Variants in USP15 observed in about 807,000 individuals in gnomAD.
The protein encoded by USP15 is ubiquitin specific peptidase 15, also known as ubiquitin carboxyl-terminal hydrolase 15.
In USP15, 18 loss-of-function variants were observed where a neutral mutation model predicts 127.1. The observed-to-expected ratio is 0.14, with a 90% CI of 0.10 to 0.21. The LOEUF is 0.21. USP15 is among the 10% of genes least tolerant of loss of function. The pLI is 1.00. For synonymous variants in USP15, 364 were observed against 393.7 expected (o/e 0.92, Z 0.89); for missense variants, 805 against 1,159.9 (o/e 0.69, Z 4.44).
At chr12:62,265,890 A>T (rs766103403) in intron 1 of USP15, among the ~76,000 whole-genome samples, 33 of 152,168 alleles carry the variant, frequency 2.2e-4, no homozygotes, top group Non-Finnish European at 4.9e-4. Context: ...TTTAAAAAGT[A>T]GATTCACTTT....
intron 8 of USP15, chr12:62,374,259 T>C (rs1425993206): frequency 6.3e-6 from 2 of 317,334 alleles, no homozygotes. Context: ...TTAGTACTGG[T>C]CAGTTAGAAG....
chr12:62,301,938 A>T lies in USP15; in HGVS notation c.218-852A>T, dbSNP rs190988042. 2.6e-5 allele frequency among the ~76,000 whole-genome samples: 4 copies of T among 152,348 alleles called. No individual in the cohort carries two copies. In the East Asian group the frequency reaches 7.7e-4, roughly 29 times the overall value. On this transcript the variant is annotated intron_variant, in intron 2 of 21. Transcript: ENST00000280377. ...CTCTTTCTGCATTTTAAAAATTCAC[A>T]TGGACAGATAACAAGTCTCAGATTA...
At chr12:62,274,425 A>AAC (rs2063425302) in intron 1 of USP15, 1 of 151,784 alleles carries the variant, frequency 6.6e-6, no homozygotes, top group African/African-American at 2.4e-5. Flanking sequence ...ACAACAAAAA[A>AAC]AAAAAACGGT....
Position 62,389,873 on chromosome 12 carries a change from C to G in USP15, c.1729C>G (p.His577Asp). The change falls in exon 14 of 22, where the codon CAC (histidine) becomes GAC (aspartate). Residue 577 changes from histidine to aspartate, a missense_variant. Transcript: ENST00000280377. The stretch of plus-strand genomic sequence containing the variant: ...TGTTTGCCTAAGAGAAAAATTCAGA[C>G]ACTCGAGTTATACCCACCATACTGG... Reference protein sequence around the residue: ...IPVCLREKFRHSSYTHHTGSS... With the variant: ...IPVCLREKFRDSSYTHHTGSS... 6.2e-7 allele frequency: 1 copy of G among 1,613,872 alleles called. No homozygotes were observed. The highest frequency in any genetic ancestry group is 8.5e-7 in the Non-Finnish European group (1 of 1,179,890).
At chr12:62,381,340 T>C in intron 8 of USP15, 150 bp from the exon 9 acceptor site, 1 of 562,110 alleles carries the variant, frequency 1.8e-6, no homozygotes, top group Non-Finnish European at 2.9e-6. Context: ...CATTTGAGTG[T>C]TTATTTGACC....
chr12:62,341,187 G>A (rs1053515368), intron 6 of USP15, among the ~76,000 whole-genome samples: 2 of 147,592 alleles, frequency 1.4e-5, no homozygotes, highest in Admixed American at 6.7e-5. Context: ...TCAGAGACTA[G>A]TATTTCAACC....
intron 2 of USP15, among the ~76,000 whole-genome samples, chr12:62,296,109 A>G (rs2064120078): frequency 6.6e-6 from 1 of 152,178 alleles, no homozygotes; most frequent in Non-Finnish European, 1.5e-5. Context: ...AGCCTCTAGG[A>G]ACAGAGAGTG....
chr12:62,364,144 C>T (rs956280852), intron 8 of USP15, among the ~76,000 whole-genome samples: 2 of 152,022 alleles, frequency 1.3e-5, no homozygotes, highest in Non-Finnish European at 1.5e-5. Flanking sequence ...ATGAAAAAGA[C>T]GTCCGAGAAC....
intron 6 of USP15, among the ~76,000 whole-genome samples, chr12:62,347,776 C>G (rs2065862985): frequency 6.6e-6 from 1 of 152,060 alleles, no homozygotes; most frequent in East Asian, 1.9e-4. Context: ...AAAGGGACTT[C>G]TATCAGAAGG....
At chr12:62,300,326 A>G (rs894852122) in intron 2 of USP15, among the ~76,000 whole-genome samples, 1 of 152,082 alleles carries the variant, frequency 6.6e-6, no homozygotes. Flanking sequence ...AGTTTTGTAT[A>G]TGGTGTGCAG....
In USP15 at chr12:62,410,770, G is replaced by A. The variant is rs2068018966; in HGVS notation, c.*6395G>A. ...GGAAGGCTTAAATTTCATTTTTGAA[G>A]CTGTCGTTAAAAGTATATATTTTTA... On this transcript the variant is annotated 3_prime_UTR_variant, in exon 22 of 22. Coordinates refer to ENST00000280377, the MANE Select transcript of USP15 (RefSeq NM_001252078.2). 1 of 152,020 alleles carries A rather than the reference G, an allele frequency of 6.6e-6. No homozygotes were observed. The highest frequency in any genetic ancestry group is 2.4e-5 in the African/African-American group (1 of 41,382). 9.4% of individuals were successfully genotyped at this position (152,020 alleles called of 1,614,324 possible). A position where few individuals can be genotyped will look rare whatever the true frequency, so the allele number is the denominator to read the frequency against.
intron 6 of USP15, among the ~76,000 whole-genome samples, chr12:62,338,683 C>T (rs1317230070): frequency 6.6e-6 from 1 of 152,142 alleles, no homozygotes; most frequent in Non-Finnish European, 1.5e-5. Flanking sequence ...CTGTTTTCTG[C>T]ATATGGCTAG....
intron 1 of USP15, among the ~76,000 whole-genome samples, chr12:62,262,866 A>T (rs1320977253): frequency 6.6e-6 from 1 of 152,210 alleles, no homozygotes; most frequent in Non-Finnish European, 1.5e-5. Flanking sequence ...TGAGGGCCAC[A>T]TATTTAGATA....
intron 7 of USP15, among the ~76,000 whole-genome samples, chr12:62,352,513 G>A (rs1390754821): frequency 6.6e-6 from 1 of 151,854 alleles, no homozygotes; most frequent in Non-Finnish European, 1.5e-5. Flanking sequence ...TTTTTAACGT[G>A]TTTATTGTCT....
At chr12:62,284,562 A>G (rs1592495184) in intron 1 of USP15, among the ~76,000 whole-genome samples, 1 of 152,132 alleles carries the variant, frequency 6.6e-6, no homozygotes, top group Non-Finnish European at 1.5e-5. Context: ...TTTTGTTCTT[A>G]TAGTGCTATA....
intron 8 of USP15, among the ~76,000 whole-genome samples, chr12:62,374,054 A>G (rs2066753585): frequency 6.6e-6 from 1 of 151,998 alleles, no homozygotes; most frequent in African/African-American, 2.4e-5. Context: ...TGCTTATACT[A>G]TTGTCATGAT....
chr12:62,356,101 A>G (rs2066120738), intron 8 of USP15, among the ~76,000 whole-genome samples: 1 of 151,650 alleles, frequency 6.6e-6, no homozygotes, highest in Non-Finnish European at 1.5e-5. Context: ...CTGTGTATAA[A>G]CTTAGGGCTG....
At chr12:62,378,334 T>C (rs73136869) in intron 8 of USP15, among the ~76,000 whole-genome samples, 11,898 of 152,330 alleles carry the variant, frequency 0.078, 590 homozygotes, top group Middle Eastern at 0.16. Context: ...ATGATTTGTG[T>C]ATTAGTAGAA....
chr12:62,343,904 A>G (rs777883833), intron 6 of USP15, among the ~76,000 whole-genome samples: 2 of 152,148 alleles, frequency 1.3e-5, no homozygotes, highest in African/African-American at 2.4e-5. Context: ...CCCATTCACT[A>G]TCACAGAACA....
Sources: gnomAD v4.1 joint callset for allele counts (sites outside exome capture counted in the v4.1 genomes callset) on GRCh38, gnomAD v4.1.1 for gene constraint, MANE v1.5 for transcripts, NCBI Gene and HGNC (gene_info 2026-07-23, HGNC 2026-07-21) for gene names.